The following COL4A1 variants were observed in gnomAD, a reference collection of about 807,000 sequenced individuals.
COL4A1 encodes the protein collagen alpha-1(IV) chain.
A neutral mutation model predicts 216.6 loss-of-function variants in COL4A1; 40 were observed. That is an observed-to-expected ratio of 0.18 (90% CI 0.14 to 0.24). COL4A1 has a LOEUF of 0.24. COL4A1 is among the 10% of genes least tolerant of loss of function. The probability of loss-of-function intolerance (pLI) is 1.00; values close to 1 mark genes in which losing one functional copy is unlikely to be tolerated. For synonymous variants in COL4A1, 839 were observed against 810.7 expected, an observed-to-expected ratio of 1.03 and a Z score of -0.59; for missense variants, 1,628 against 2,196.8, an observed-to-expected ratio of 0.74 and a Z score of 5.18.
chr13:110,263,668 C>G (rs764397268), intron 1 of COL4A1, among the ~76,000 whole-genome samples: 1 of 152,012 alleles, frequency 6.6e-6, no homozygotes, highest in Non-Finnish European at 1.5e-5. Flanking sequence ...ATCTTCTAGA[C>G]GAATGAAAAA....
At chr13:110,150,543 C>G (rs996944006) in intron 51 of COL4A1, 99 bp from the exon 52 acceptor site, 127 of 1,226,970 alleles carry the variant, frequency 1.0e-4, no homozygotes, top group Non-Finnish European at 1.4e-4. Flanking sequence ...GGGATCAGCC[C>G]AGCCCCTGGC....
intron 1 of COL4A1, among the ~76,000 whole-genome samples, chr13:110,306,239 T>C (rs892860948): frequency 2.0e-5 from 3 of 152,198 alleles, no homozygotes; most frequent in African/African-American, 4.8e-5. Flanking sequence ...AACAATGACA[T>C]GGAGTTTCAC....
chr13:110,294,626 G>A (rs932434611), intron 1 of COL4A1, among the ~76,000 whole-genome samples: 4 of 152,216 alleles, frequency 2.6e-5, no homozygotes, highest in Non-Finnish European at 5.9e-5. Flanking sequence ...GTACTTCTGA[G>A]ACACAAAGTA....
At chr13:110,189,251 C>T (rs1051639927) in intron 24 of COL4A1, among the ~76,000 whole-genome samples, 3 of 152,134 alleles carry the variant, frequency 2.0e-5, no homozygotes, top group African/African-American at 4.8e-5. Context: ...TTAGTGGAGA[C>T]GGGGTTTCTC....
rs758820331 is a variant in COL4A1 at position 110,169,780 on chromosome 13, A to G, written c.3743-18T>C. The G allele has an allele frequency of 6.2e-7, 1 of 1,613,778 alleles. No homozygotes were observed. Among genetic ancestry groups the G allele is most frequent in the East Asian group, 2.2e-5 (1 of 44,824 alleles). On this transcript the variant is annotated intron_variant, in intron 42 of 51. Coordinates refer to ENST00000375820, the MANE Select transcript of COL4A1 (RefSeq NM_001845.6). ...CGGAAGTCCTAATGGAAGAGAAGAA[A>G]GCCACACATTTGGGGTTAAATATGC...
At chr13:110,288,274 A>ATAATAATAAT (rs1420796574) in intron 1 of COL4A1, among the ~76,000 whole-genome samples, 33 of 139,462 alleles carry the variant, frequency 2.4e-4, no homozygotes, top group African/African-American at 8.4e-4. Flanking sequence ...AAAAAAAAAA[A>ATAATAATAAT]AATAATAATA....
chr13:110,242,052 AAAAACAGCCAGGCACCCT>A (rs1187699684), intron 2 of COL4A1, among the ~76,000 whole-genome samples: 16 of 152,176 alleles, frequency 1.1e-4, no homozygotes, highest in African/African-American at 3.6e-4. Context: ...TTCTGGATAA[AAAAACAGCCAGGCACCCT>A]CTTTCCAACC....
intron 1 of COL4A1, among the ~76,000 whole-genome samples, chr13:110,245,325 A>G (rs1881750459): frequency 6.6e-6 from 1 of 152,182 alleles, no homozygotes; most frequent in African/African-American, 2.4e-5. Context: ...GTTTGAGCCA[A>G]GTTTGGAAAC....
intron 1 of COL4A1, among the ~76,000 whole-genome samples, chr13:110,253,984 C>A (rs988337413): frequency 1.3e-5 from 2 of 151,910 alleles, no homozygotes; most frequent in African/African-American, 4.8e-5. Flanking sequence ...ACCCCAAAAT[C>A]CAAAATACAA....
rs745307916 is a variant in COL4A1 at position 110,152,428 on chromosome 13, G to A, written c.4834C>T (p.Pro1612Ser). Residue 1612 changes from proline to serine, a missense_variant, in exon 51 of 52, where the codon CCA (proline) becomes TCA (serine). Transcript: ENST00000375820. ...CCACGGCCGTGACACTCGATGAATG[G>A]CGCACTTCTAAACTCCTCCAGGCAG... is the stretch of plus-strand genomic sequence containing the variant. ...GSCLEEFRSA[P>S]FIECHGRGTC... 1 of 1,614,164 alleles carries A rather than the reference G, an allele frequency of 6.2e-7. No individual in the cohort carries two copies. The highest frequency in any genetic ancestry group is 8.5e-7 in the Non-Finnish European group (1 of 1,180,034).
intron 1 of COL4A1, among the ~76,000 whole-genome samples, chr13:110,288,509 T>C (rs1169447462): frequency 6.6e-6 from 1 of 152,200 alleles, no homozygotes; most frequent in Non-Finnish European, 1.5e-5. Context: ...ACTGACAGAA[T>C]TGTTCCCACT....
chr13:110,252,467 A>C (rs1376060708), intron 1 of COL4A1, among the ~76,000 whole-genome samples: 1 of 38,378 alleles, frequency 2.6e-5, no homozygotes. Flanking sequence ...TATACATATA[A>C]TTATATGTAT....
In COL4A1 at chr13:110,155,359, A is replaced by T; in HGVS notation, c.4679T>A (p.Val1560Glu). 1 of 1,614,192 alleles carries T rather than the reference A, an allele frequency of 6.2e-7. No homozygotes were observed. Among genetic ancestry groups the T allele is most frequent in the Non-Finnish European group, 8.5e-7 (1 of 1,180,008 alleles). The stretch of plus-strand genomic sequence containing the variant: ...TGGGATCTGAATGGTCTGGCTGTGC[A>T]CGGCCATCACCATGGCAGGCGCCTC... The part of the protein sequence containing the change: ...VCEAPAMVMA[V>E]HSQTIQIPPC... The change falls in exon 50 of 52, where the codon GTG becomes GAG. Residue 1560 changes from valine (V) to glutamate (E), a missense_variant. By Grantham distance (121) the Val-to-Glu change is moderately radical. Coordinates refer to ENST00000375820, the MANE Select transcript of COL4A1 (RefSeq NM_001845.6).
intron 18 of COL4A1, 51 bp downstream of exon 18, chr13:110,203,515 T>C: frequency 6.2e-7 from 1 of 1,604,864 alleles, no homozygotes; most frequent in Non-Finnish European, 8.5e-7. Flanking sequence ...CAGGGTCCTC[T>C]CCTTCCTCCC....
chr13:110,178,320 C>T (rs1877981260), intron 31 of COL4A1, 89 bp from the exon 32 acceptor site: 3 of 1,556,776 alleles, frequency 1.9e-6, no homozygotes, highest in South Asian at 1.1e-5. Context: ...TGACTTTCTG[C>T]AGAAAGCCCG....
chr13:110,181,233 C>T, intron 29 of COL4A1, 59 bp downstream of exon 29: 1 of 1,550,336 alleles, frequency 6.5e-7, no homozygotes, highest in Non-Finnish European at 8.9e-7. Context: ...GCATTTTTTC[C>T]ATCCAACTAA....
At chr13:110,288,164 T>C (rs1371992108) in intron 1 of COL4A1, among the ~76,000 whole-genome samples, 2 of 150,806 alleles carry the variant, frequency 1.3e-5, no homozygotes, top group African/African-American at 4.9e-5. Flanking sequence ...CTCGGGAGGC[T>C]AAGGCAGGAG....
chr13:110,170,043 A>C, intron 42 of COL4A1, among the ~76,000 whole-genome samples: 1 of 124,808 alleles, frequency 8.0e-6, no homozygotes, highest in Admixed American at 8.9e-5. Flanking sequence ...AAGGGAGGGA[A>C]GGAGGGAGGA....
At position 110,182,978 on chromosome 13, in the gene COL4A1, G is replaced by A. The variant is rs764304535; in HGVS notation, c.2095+15C>T. On this transcript the variant is annotated intron_variant, in intron 28 of 51. Transcript: ENST00000375820. ...ACAGGTGGACCAAAGGCTCGGGTCCGTCTGGCAGGGTTACCTTTGGGGCCG... is the reference window on the plus strand; with the variant it reads ...ACAGGTGGACCAAAGGCTCGGGTCCATCTGGCAGGGTTACCTTTGGGGCCG... 3.4e-5 allele frequency: 55 copies of A among 1,607,800 alleles called. No individual in the cohort carries two copies. The highest frequency in any genetic ancestry group is 1.9e-4 in the African/African-American group (14 of 74,820).
Sources: gnomAD v4.1 joint callset for allele counts (sites outside exome capture counted in the v4.1 genomes callset) on GRCh38, gnomAD v4.1.1 for gene constraint, MANE v1.5 for transcripts, NCBI Gene and HGNC (gene_info 2026-07-23, HGNC 2026-07-21) for gene names.